Variants in CHAT observed in about 807,000 individuals in gnomAD.
The protein encoded by CHAT is acetyl CoA:choline O-acetyltransferase.
Under a neutral mutation model 76.9 loss-of-function variants are expected in CHAT, and 61 were observed. That is an observed-to-expected ratio of 0.79 (90% CI 0.65 to 0.98). The LOEUF is 0.98. CHAT is among the 50% of genes least tolerant of loss of function. The pLI, the probability that CHAT is intolerant of heterozygous loss-of-function variation, is 0.00. For missense variants in CHAT, 946 were observed against 986.9 expected (o/e 0.96, Z 0.56); for synonymous variants, 407 against 397.4 (o/e 1.02, Z -0.29).
upstream of CHAT, among the ~76,000 whole-genome samples, chr10:49,613,662 G>C (rs528470587): frequency 6.6e-6 from 1 of 152,052 alleles, no homozygotes; most frequent in Non-Finnish European, 1.5e-5. Flanking sequence ...TGCTATTTCT[G>C]TGTGGGGGTC....
intron 13 of CHAT, among the ~76,000 whole-genome samples, chr10:49,658,833 A>G (rs2132842282): frequency 6.6e-6 from 1 of 152,374 alleles, no homozygotes; most frequent in East Asian, 1.9e-4. Flanking sequence ...ATATGATAGG[A>G]AACTAAAAAC....
At chr10:49,628,792 C>T (rs1839013292) in intron 7 of CHAT, among the ~76,000 whole-genome samples, 1 of 152,250 alleles carries the variant, frequency 6.6e-6, no homozygotes, top group Non-Finnish European at 1.5e-5. Flanking sequence ...GGTACCCAGG[C>T]AGGCAGACCA....
At chr10:49,615,333 C>A (rs1469835380) in intron 1 of CHAT, among the ~76,000 whole-genome samples, 5 of 152,232 alleles carry the variant, frequency 3.3e-5, no homozygotes, top group African/African-American at 1.2e-4. Flanking sequence ...CCCCTACGAA[C>A]CCACAGCACT....
intron 13 of CHAT, among the ~76,000 whole-genome samples, chr10:49,658,983 T>C (rs935460156): frequency 5.3e-5 from 8 of 152,154 alleles, no homozygotes; most frequent in Admixed American, 2.0e-4. Flanking sequence ...AAAAGAGGCT[T>C]AGTCCAGGAG....
At chr10:49,628,254 T>C (rs1343914167) in intron 7 of CHAT, among the ~76,000 whole-genome samples, 1 of 152,140 alleles carries the variant, frequency 6.6e-6, no homozygotes, top group East Asian at 1.9e-4. Flanking sequence ...CTTGTGGCAC[T>C]GTTCTGATGA....
intron 13 of CHAT, among the ~76,000 whole-genome samples, chr10:49,661,024 A>C (rs952388584): frequency 2.0e-5 from 3 of 152,026 alleles, no homozygotes; most frequent in Non-Finnish European, 4.4e-5. Context: ...GTTTTTTTGC[A>C]TGGTTGATGA....
At position 49,648,594 on chromosome 10, in the gene CHAT, C is replaced by T; in HGVS notation, c.1369C>T (p.Leu457=). Reference sequence around the variant, plus strand: ...CGTCCTGGTGCAGTGCACTGAGCATCTGCTCAAGCACGTGTGAGTCTGGAT... The same window carrying T: ...CGTCCTGGTGCAGTGCACTGAGCATTTGCTCAAGCACGTGTGAGTCTGGAT... The part of the protein sequence containing the change: ...GIVLVQCTEH[L]LKHVTQSSRK... Residue 457 remains leucine, a synonymous_variant, in exon 9 of 15, where the codon CTG becomes TTG. Transcript: ENST00000337653. 1 of 1,612,514 alleles carries T rather than the reference C, an allele frequency of 6.2e-7. No individual in the cohort carries two copies. Among genetic ancestry groups the T allele is most frequent in the Non-Finnish European group, 8.5e-7 (1 of 1,178,796 alleles).
rs374303993 is a variant in CHAT at position 49,665,051 on chromosome 10, T to C, written c.*5T>C. ...AGCCAGGGACACCAACCTTGACTCC[T>C]GCCACTAGGTTTCACCTCCCAAACC... On this transcript the variant is annotated 3_prime_UTR_variant, in exon 15 of 15. Coordinates refer to ENST00000337653, the MANE Select transcript of CHAT (RefSeq NM_020549.5). The C allele has an allele frequency of 1.4e-5, 22 of 1,613,376 alleles. No individual in the cohort carries two copies. The highest frequency in any genetic ancestry group is 1.9e-5 in the Non-Finnish European group (22 of 1,180,044).
chr10:49,632,013 G>A (rs773589231), intron 7 of CHAT, among the ~76,000 whole-genome samples: 6 of 152,080 alleles, frequency 3.9e-5, no homozygotes, highest in Admixed American at 1.3e-4. Context: ...AGTGGGATGA[G>A]GGAGGGGGAG....
intron 1 of CHAT, among the ~76,000 whole-genome samples, chr10:49,614,729 C>T (rs1328693223): frequency 1.3e-5 from 2 of 152,194 alleles, no homozygotes; most frequent in Non-Finnish European, 2.9e-5. Flanking sequence ...TTCACTTGGC[C>T]CAGCATCTGC....
intron 7 of CHAT, among the ~76,000 whole-genome samples, chr10:49,639,182 C>A (rs117134741): frequency 0.027 from 4,081 of 152,178 alleles, 50 homozygotes; most frequent in Middle Eastern, 0.034. Flanking sequence ...TGCAGTGAGC[C>A]GAGATTGGGC....
chr10:49,650,803 A>G (rs1564491021), intron 10 of CHAT, among the ~76,000 whole-genome samples: 1 of 152,078 alleles, frequency 6.6e-6, no homozygotes, highest in Non-Finnish European at 1.5e-5. Flanking sequence ...GAGCTGCTGG[A>G]GAGGTTGCCT....
At position 49,667,060 on chromosome 10, in the gene CHAT, G is replaced by A. The variant is rs1000315311; in HGVS notation, c.*2014G>A. Among the ~76,000 whole-genome samples, 1 of 152,212 alleles carries A rather than the reference G, an allele frequency of 6.6e-6. No homozygotes were observed. Among genetic ancestry groups the A allele is most frequent in the Non-Finnish European group, 1.5e-5 (1 of 68,038 alleles). ...GACGCAGTTCCTTCCACTGTCAAAT[G>A]AGAACAAGAGTGTCCCCACTTGCAA... On this transcript the variant is annotated 3_prime_UTR_variant, in exon 15 of 15. Transcript: ENST00000337653.
At chr10:49,621,176 CAG>C (rs1838694416) in intron 4 of CHAT, among the ~76,000 whole-genome samples, 1 of 152,212 alleles carries the variant, frequency 6.6e-6, no homozygotes, top group African/African-American at 2.4e-5. Context: ...TGGAGTCACT[CAG>C]AGTCTGGTCT....
At chr10:49,631,825 G>A (rs1238342731) in intron 7 of CHAT, among the ~76,000 whole-genome samples, 1 of 152,126 alleles carries the variant, frequency 6.6e-6, no homozygotes, top group African/African-American at 2.4e-5. Flanking sequence ...TGGAGACTGG[G>A]CGTCCACATG....
intron 7 of CHAT, among the ~76,000 whole-genome samples, chr10:49,631,872 T>C (rs951557479): frequency 1.3e-5 from 2 of 150,062 alleles, no homozygotes; most frequent in Non-Finnish European, 3.0e-5. Flanking sequence ...TCCAGTAGCA[T>C]GGGGGAAGCA....
chr10:49,616,283 C>A (rs919763537), intron 1 of CHAT, among the ~76,000 whole-genome samples: 1 of 152,144 alleles, frequency 6.6e-6, no homozygotes, highest in African/African-American at 2.4e-5. Context: ...ACTTTAGGAA[C>A]CACTCTCTCC....
chr10:49,638,617 C>T (rs1240867804), intron 7 of CHAT, among the ~76,000 whole-genome samples: 1 of 152,102 alleles, frequency 6.6e-6, no homozygotes, highest in Non-Finnish European at 1.5e-5. Flanking sequence ...CTAACAGTTT[C>T]TGTAGGTATT....
Position 49,623,143 on chromosome 10 carries a change from C to A in CHAT, c.752+993C>A, listed in dbSNP as rs370735243. On this transcript the variant is annotated intron_variant, in intron 5 of 14. Transcript: ENST00000337653. ...TGTCTCCTCATGGTGTGTCTTTGGT[C>A]TCTCCCTTCTTCGTGGACAGCATTC... 5.9e-5 allele frequency among the ~76,000 whole-genome samples: 9 copies of A among 152,304 alleles called. 1 individual carries two copies. The East Asian group carries it at 1.5e-3, about 26-fold the overall frequency.
Sources: allele counts gnomAD v4.1 joint callset (sites outside exome capture counted in the v4.1 genomes callset), GRCh38; gene constraint gnomAD v4.1.1; transcripts MANE v1.5; gene names NCBI Gene and HGNC (gene_info 2026-07-23, HGNC 2026-07-21).